FMO3: variants seen among roughly 807,000 people sequenced by gnomAD.
FMO3 encodes the protein flavin-containing monooxygenase 3.
In FMO3, 40 loss-of-function variants were observed where a neutral mutation model predicts 39.4. The ratio of observed to expected loss-of-function variants is 1.02; its 90% CI spans 0.79 to 1.32. The LOEUF (loss-of-function observed/expected upper bound fraction) is 1.32. FMO3 is among the 40% of genes most tolerant of loss of function. The pLI is 0.00. For missense variants in FMO3, 680 were observed against 651.8 expected (o/e 1.04, Z -0.47); for synonymous variants, 219 against 228.8 (o/e 0.96, Z 0.39).
chr1:171,109,526 C>CTTTTTTTTTTTTTTTTTTTTT lies in FMO3; in HGVS notation c.628-1267_628-1247dup, dbSNP rs780479699. On this transcript the variant is annotated intron_variant, in intron 5 of 8. Transcript: ENST00000367755. ...TAATTAATTGATCCTTTAGTCTCTT[C>CTTTTTTTTTTTTTTTTTTTTT]TTTTTTTTTTTTTTTTTTTTTTTTT... is the stretch of plus-strand genomic sequence containing the variant. 1.4e-4 allele frequency among the ~76,000 whole-genome samples: 8 copies of CTTTTTTTTTTTTTTTTTTTTT among 58,994 alleles called. 2 individuals are homozygous for CTTTTTTTTTTTTTTTTTTTTT. Among genetic ancestry groups the CTTTTTTTTTTTTTTTTTTTTT allele is most frequent in the African/African-American group, 3.6e-4 (5 of 14,042 alleles). The allele number at this position is 58,994 out of a possible 152,430, so 38.7% of individuals were successfully genotyped here.
In FMO3 at chr1:171,117,311, T is replaced by A. The variant is rs1465655109; in HGVS notation, c.1468T>A (p.Trp490Arg). 1 of 1,614,116 alleles carries A rather than the reference T, an allele frequency of 6.2e-7. No homozygotes were observed. The highest frequency in any genetic ancestry group is 1.7e-5 in the Admixed American group (1 of 60,022). ...AGCCAGAAATGCCATACTGACCCAG[T>A]GGGACCGGTCGTTGAAACCCATGCA... ...PGARNAILTQ[W>R]DRSLKPMQTR... Residue 490 changes from tryptophan (W) to arginine (R), a missense_variant, in exon 9 of 9, where the codon TGG becomes AGG. Coordinates refer to ENST00000367755, the MANE Select transcript of FMO3 (RefSeq NM_001002294.3).
At chr1:171,091,605 C>G (rs535721457) in intron 1 of FMO3, among the ~76,000 whole-genome samples, 2 of 151,926 alleles carry the variant, frequency 1.3e-5, no homozygotes, top group Non-Finnish European at 2.9e-5. Context: ...CAACACCCCC[C>G]GGAGAGAAGG....
chr1:171,115,335 G>A (rs1656096421), intron 7 of FMO3, among the ~76,000 whole-genome samples: 1 of 152,020 alleles, frequency 6.6e-6, no homozygotes, highest in Non-Finnish European at 1.5e-5. Context: ...AGACAAGAGG[G>A]GCTAGTTACA....
chr1:171,102,390 C>A (rs1655438479), intron 2 of FMO3, among the ~76,000 whole-genome samples: 1 of 152,164 alleles, frequency 6.6e-6, no homozygotes, highest in Admixed American at 6.5e-5. Flanking sequence ...TTCAACAGAG[C>A]TAAACCAAGG....
intron 5 of FMO3, among the ~76,000 whole-genome samples, chr1:171,109,205 T>A (rs1055735059): frequency 1.3e-5 from 2 of 152,162 alleles, no homozygotes; most frequent in Non-Finnish European, 2.9e-5. Flanking sequence ...AGAAAATTAA[T>A]GTTTGAGCCA....
intron 5 of FMO3, among the ~76,000 whole-genome samples, chr1:171,108,715 G>A (rs914276293): frequency 6.6e-6 from 1 of 151,992 alleles, no homozygotes; most frequent in Non-Finnish European, 1.5e-5. Flanking sequence ...TACTTATTGA[G>A]GGCCTACTAT....
At chr1:171,093,526 C>T (rs28745581) in intron 2 of FMO3, among the ~76,000 whole-genome samples, 8,804 of 151,208 alleles carry the variant, frequency 0.058, 558 homozygotes, top group East Asian at 0.22. Flanking sequence ...TATGTATATG[C>T]GTCTGTGTGT....
chr1:171,110,666 G>A, intron 5 of FMO3, 132 bp from the exon 6 acceptor site: 1 of 826,276 alleles, frequency 1.2e-6, no homozygotes, highest in Non-Finnish European at 2.1e-6. Flanking sequence ...ACTGACAGCT[G>A]AGAGATGTCT....
Position 171,108,700 on chromosome 1 carries a change from A to G in FMO3, c.627+479A>G, listed in dbSNP as rs1464303304. On this transcript the variant is annotated intron_variant, in intron 5 of 8. Coordinates refer to ENST00000367755, the MANE Select transcript of FMO3 (RefSeq NM_001002294.3). ...TATGATGCAGGCACACATTTATTCAATGACTACTTATTGAGGGCCTACTAT... is the reference window on the plus strand; with the variant it reads ...TATGATGCAGGCACACATTTATTCAGTGACTACTTATTGAGGGCCTACTAT... Among the ~76,000 whole-genome samples, 2 of 152,172 alleles carry G rather than the reference A, an allele frequency of 1.3e-5. 1 individual carries two copies. The highest frequency in any genetic ancestry group is 1.3e-4 in the Admixed American group (2 of 15,272).
intron 3 of FMO3, 23 bp from the exon 4 acceptor site, chr1:171,107,652 A>G (rs903835118): frequency 2.5e-6 from 4 of 1,607,524 alleles, no homozygotes; most frequent in Admixed American, 1.7e-5. Context: ...GAAAAGAGGG[A>G]TTTCTTTCTG....
At position 171,114,375 on chromosome 1, in the gene FMO3, A is replaced by G; in HGVS notation, c.1183+13A>G. 6.3e-7 allele frequency: 1 copy of G among 1,578,032 alleles called. No homozygotes were observed. The highest frequency in any genetic ancestry group is 1.7e-5 in the Admixed American group (1 of 59,596). ...CAAGTAATAAAGGGTAAGTCAATAA[A>G]GAGGCTCATGGATTGCGAAGATGAA... On this transcript the variant is annotated intron_variant, in intron 7 of 8. Coordinates refer to ENST00000367755, the MANE Select transcript of FMO3 (RefSeq NM_001002294.3).
Position 171,110,922 on chromosome 1 carries a change from T to C in FMO3, c.752T>C (p.Ile251Thr), listed in dbSNP as rs761392387. The C allele has an allele frequency of 6.2e-7, 1 of 1,613,790 alleles. No individual in the cohort carries two copies. Among genetic ancestry groups the C allele is most frequent in the African/African-American group, 1.3e-5 (1 of 74,902 alleles). The change falls in exon 6 of 9, where the codon ATC (isoleucine) becomes ACC (threonine). Residue 251 changes from isoleucine (I) to threonine (T), a missense_variant. Ile to Thr is a moderately conservative substitution (Grantham distance 89). Transcript: ENST00000367755. ...TFLKNNLPTA[I>T]SDWLYVKQMN... ...CTCAAGAACAATTTACCGACAGCCATCTCTGACTGGTTGTACGTGAAGCAG... is the reference window on the plus strand; with the variant it reads ...CTCAAGAACAATTTACCGACAGCCACCTCTGACTGGTTGTACGTGAAGCAG...
At chr1:171,115,132 G>T (rs955044882) in intron 7 of FMO3, among the ~76,000 whole-genome samples, 2 of 152,260 alleles carry the variant, frequency 1.3e-5, no homozygotes. Flanking sequence ...TCCACTTAGG[G>T]TTCAGACCCA....
chr1:171,096,022 AT>A lies in FMO3; in HGVS notation c.132+3234del, dbSNP rs1557932928. On this transcript the variant is annotated intron_variant, in intron 2 of 8. Coordinates refer to ENST00000367755, the MANE Select transcript of FMO3 (RefSeq NM_001002294.3). ...TTATATATTAATATACATATTATATATTAATATATAATATATATTATATATA... is the reference window on the plus strand; with the variant it reads ...TTATATATTAATATACATATTATATATAATATATAATATATATTATATATA... Among the ~76,000 whole-genome samples, 50 of 71,112 alleles carry A rather than the reference AT, an allele frequency of 7.0e-4. 1 individual carries two copies. Among genetic ancestry groups the A allele is most frequent in the African/African-American group, 2.8e-3 (43 of 15,118 alleles). 46.7% of individuals were successfully genotyped at this position (71,112 alleles called of 152,430 possible).
chr1:171,112,893 G>A (rs573455198), intron 6 of FMO3, among the ~76,000 whole-genome samples: 92 of 152,256 alleles, frequency 6.0e-4, no homozygotes, highest in African/African-American at 2.0e-3. Flanking sequence ...GACATCTGTG[G>A]GAGACAGAAA....
chr1:171,107,781 T>A lies in FMO3; in HGVS notation c.428T>A (p.Val143Glu), dbSNP rs951676823. Reference protein sequence around the residue: ...GKKESAVFDAVMVCSGHHVYP... With the variant: ...GKKESAVFDAEMVCSGHHVYP... Reference sequence around the variant, plus strand: ...AAAGAATCGGCTGTCTTTGATGCTGTAATGGTTTGTTCCGGACATCATGTG... The same window carrying A: ...AAAGAATCGGCTGTCTTTGATGCTGAAATGGTTTGTTCCGGACATCATGTG... The change falls in exon 4 of 9, where the codon GTA becomes GAA. Residue 143 changes from valine to glutamate, a missense_variant. Physicochemically the swap from Val to Glu is moderately radical, Grantham distance 121. Coordinates refer to ENST00000367755, the MANE Select transcript of FMO3 (RefSeq NM_001002294.3). 6.2e-5 allele frequency: 100 copies of A among 1,613,864 alleles called. No individual in the cohort carries two copies. Among genetic ancestry groups the A allele is most frequent in the Non-Finnish European group, 8.2e-5 (97 of 1,179,916 alleles).
Position 171,110,879 on chromosome 1 carries a change from A to C in FMO3, c.709A>C (p.Thr237Pro), listed in dbSNP as rs200263819. 9.3e-6 allele frequency: 15 copies of C among 1,613,930 alleles called. No individual in the cohort carries two copies. The highest frequency in any genetic ancestry group is 1.3e-5 in the African/African-American group (1 of 74,998). The change falls in exon 6 of 9, where the codon ACT becomes CCT. Residue 237 changes from threonine to proline, a missense_variant. By Grantham distance (38) the Thr-to-Pro change is conservative. Coordinates refer to ENST00000367755, the MANE Select transcript of FMO3 (RefSeq NM_001002294.3). ...NGYPWDMLLV[T>P]RFGTFLKNNL... ...TTATCCTTGGGACATGCTGCTCGTCACTCGATTTGGAACCTTCCTCAAGAA... is the reference window on the plus strand; with the variant it reads ...TTATCCTTGGGACATGCTGCTCGTCCCTCGATTTGGAACCTTCCTCAAGAA...
chr1:171,098,243 CT>C (rs1223384008), intron 2 of FMO3, among the ~76,000 whole-genome samples: 12 of 152,236 alleles, frequency 7.9e-5, no homozygotes, highest in African/African-American at 2.9e-4. Context: ...CAGCTTTATT[CT>C]TTTGGCTTAG....
Position 171,092,767 on chromosome 1 carries a change from A to T in FMO3, c.109A>T (p.Ile37Phe), listed in dbSNP as rs1654773738. ...CACCTGCTTTGAGAAGAGCAATGACATTGGGGGCCTGTGGAAATTTTCAGT... is the reference window on the plus strand; with the variant it reads ...CACCTGCTTTGAGAAGAGCAATGACTTTGGGGGCCTGTGGAAATTTTCAGT... ...EPTCFEKSND[I>F]GGLWKFSDHA... The change falls in exon 2 of 9, where the codon ATT becomes TTT. Residue 37 changes from isoleucine (I) to phenylalanine (F), a missense_variant. Ile to Phe is a conservative substitution (Grantham distance 21). Coordinates refer to ENST00000367755, the MANE Select transcript of FMO3 (RefSeq NM_001002294.3). 1.2e-6 allele frequency: 2 copies of T among 1,613,958 alleles called. No individual in the cohort carries two copies. Among genetic ancestry groups the T allele is most frequent in the Admixed American group, 1.7e-5 (1 of 60,000 alleles).
Sources: gnomAD v4.1 joint callset for allele counts (sites outside exome capture counted in the v4.1 genomes callset) on GRCh38, gnomAD v4.1.1 for gene constraint, MANE v1.5 for transcripts, NCBI Gene and HGNC (gene_info 2026-07-23, HGNC 2026-07-21) for gene names.